CLIP1: variants seen among roughly 807,000 people sequenced by gnomAD.
CLIP1 encodes the protein CAP-Gly domain-containing linker protein 1.
Under a neutral mutation model 161.6 loss-of-function variants are expected in CLIP1, and 66 were observed. The observed-to-expected ratio is 0.41, with a 90% confidence interval of 0.33 to 0.50. CLIP1 has a LOEUF of 0.50. Among genes scored for constraint, CLIP1 ranks in the 20% least tolerant of loss-of-function variants. CLIP1 has a pLI of 0.27. For synonymous variants in CLIP1, 598 were observed against 626.2 expected, an observed-to-expected ratio of 0.96 and a Z score of 0.67; for missense variants, 1,376 against 1,702.0, an observed-to-expected ratio of 0.81 and a Z score of 3.37.
chr12:122,408,965 C>T (rs920095486), intron 1 of CLIP1, among the ~76,000 whole-genome samples: 7 of 152,102 alleles, frequency 4.6e-5, no homozygotes, highest in African/African-American at 1.7e-4. Context: ...GTCTGCACAA[C>T]CATGCCCGGC....
intron 3 of CLIP1, among the ~76,000 whole-genome samples, chr12:122,372,473 G>A (rs1020623528): frequency 6.6e-6 from 1 of 151,016 alleles, no homozygotes; most frequent in Admixed American, 6.6e-5. Context: ...TCCCAGCTAC[G>A]CTACTTGGGA....
At chr12:122,394,488 C>CAAAAAAAAAAAA (rs66683857) in intron 1 of CLIP1, among the ~76,000 whole-genome samples, 1 of 57,998 alleles carries the variant, frequency 1.7e-5, no homozygotes, top group African/African-American at 7.8e-5. Context: ...GACGCTGTCT[C>CAAAAAAAAAAAA]AAAAAAAAAA....
intron 1 of CLIP1, among the ~76,000 whole-genome samples, chr12:122,418,806 A>C (rs1956839861): frequency 6.6e-6 from 1 of 152,130 alleles, no homozygotes; most frequent in Non-Finnish European, 1.5e-5. Flanking sequence ...GGAGAACTAC[A>C]GGCTTGCTAT....
rs1171475639 is a variant in CLIP1 at position 122,374,289 on chromosome 12, G to T, written c.657+3100C>A. On this transcript the variant is annotated intron_variant, in intron 3 of 25. Transcript: ENST00000620786. ...GATCGAGACCATCCTGGCTAACACAGTGAAACCCCGTCTCTACTAAAAATA... is the reference window on the plus strand; with the variant it reads ...GATCGAGACCATCCTGGCTAACACATTGAAACCCCGTCTCTACTAAAAATA... 2.2e-5 allele frequency among the ~76,000 whole-genome samples: 3 copies of T among 137,780 alleles called. No individual in the cohort carries two copies. In the Admixed American group the frequency reaches 2.3e-4, roughly 11 times the overall value. The allele number at this position is 137,780 out of a possible 152,430, so 90.4% of individuals were successfully genotyped here.
intron 1 of CLIP1, among the ~76,000 whole-genome samples, chr12:122,405,806 C>T (rs1025381074): frequency 3.3e-5 from 5 of 151,146 alleles, no homozygotes; most frequent in East Asian, 1.9e-4. Flanking sequence ...TGGTTGCTCA[C>T]GGCCGTAATC....
At chr12:122,405,563 T>G (rs1363664857) in intron 1 of CLIP1, among the ~76,000 whole-genome samples, 1 of 149,960 alleles carries the variant, frequency 6.7e-6, no homozygotes, top group Non-Finnish European at 1.5e-5. Flanking sequence ...CCAAGGCGGA[T>G]AGATCACCTG....
chr12:122,378,046 C>T (rs569727235), intron 2 of CLIP1, 86 bp from the exon 3 acceptor site: 10 of 1,165,646 alleles, frequency 8.6e-6, no homozygotes, highest in South Asian at 7.5e-5. Flanking sequence ...AAGCCAACAG[C>T]CCACAGGAGT....
chr12:122,364,662 C>G (rs1303233916), intron 3 of CLIP1: 1 of 435,306 alleles, frequency 2.3e-6, no homozygotes. Flanking sequence ...ACCTCAGCTT[C>G]CCAAAGTGTT....
At chr12:122,352,873 G>A (rs571016232) in intron 7 of CLIP1, 87 bp from the exon 8 acceptor site, 52 of 1,140,556 alleles carry the variant, frequency 4.6e-5, no homozygotes, top group Middle Eastern at 2.0e-4. Flanking sequence ...AAAAAAACAC[G>A]TTGGGCATGG....
At chr12:122,283,088 C>T (rs569150394) in intron 21 of CLIP1, among the ~76,000 whole-genome samples, 14 of 152,294 alleles carry the variant, frequency 9.2e-5, no homozygotes, top group African/African-American at 3.1e-4. Flanking sequence ...CCATGCCTCG[C>T]GCCTTTGGCT....
In CLIP1 at chr12:122,277,527, G is replaced by C. The variant is rs572928842; in HGVS notation, c.3966+627C>G. Reference sequence around the variant, plus strand: ...AACTAAAGTTGTTTTGTTAATTTTCGCTTTAAGAGACTGAGTTTTCAAGAA... The same window carrying C: ...AACTAAAGTTGTTTTGTTAATTTTCCCTTTAAGAGACTGAGTTTTCAAGAA... On this transcript the variant is annotated intron_variant, in intron 24 of 25. Transcript: ENST00000620786. 5.3e-5 allele frequency: 8 copies of C among 151,868 alleles called. No individual in the cohort carries two copies. The East Asian group carries it at 1.5e-3, about 29-fold the overall frequency. 9.4% of individuals were successfully genotyped at this position (151,868 alleles called of 1,614,324 possible). A position where few individuals can be genotyped will look rare whatever the true frequency, so the allele number is the denominator to read the frequency against.
Position 122,279,260 on chromosome 12 carries a change from C to T in CLIP1, c.3648-115G>A, listed in dbSNP as rs193021824. 165 of 698,628 alleles carry T rather than the reference C, an allele frequency of 2.4e-4. No homozygotes were observed. The African/African-American group carries it at 2.5e-3, about 10-fold the overall frequency. The allele number at this position is 698,628 out of a possible 1,614,324, so 43.3% of individuals were successfully genotyped here. On this transcript the variant is annotated intron_variant, in intron 21 of 25. Transcript: ENST00000620786. This position sits in a 1 kb window ranked among gnomAD's most constrained non-coding sequence, Gnocchi z 4.5. ...AGTTAATGTAAAAAAAAAAATATAACAGGGAAGTTTTATAGGGAGTTAAGG... is the reference window on the plus strand; with the variant it reads ...AGTTAATGTAAAAAAAAAAATATAATAGGGAAGTTTTATAGGGAGTTAAGG...
intron 21 of CLIP1, among the ~76,000 whole-genome samples, chr12:122,283,457 T>A (rs1955726034): frequency 6.6e-6 from 1 of 150,870 alleles, no homozygotes; most frequent in Non-Finnish European, 1.5e-5. Context: ...TCTTTCTTTC[T>A]TTTCTTTTTT....
chr12:122,413,827 G>C (rs1956631526), intron 1 of CLIP1, among the ~76,000 whole-genome samples: 1 of 151,740 alleles, frequency 6.6e-6, no homozygotes, highest in Non-Finnish European at 1.5e-5. Flanking sequence ...CATTGAGTTA[G>C]TGCTAGTGGA....
intron 1 of CLIP1, chr12:122,396,835 T>C (rs1455703740): frequency 1.3e-5 from 2 of 151,154 alleles, no homozygotes; most frequent in African/African-American, 4.9e-5. Flanking sequence ...GATGCACTCA[T>C]GGCTCATGGC....
chr12:122,336,236 A>G (rs1234089324), intron 12 of CLIP1, among the ~76,000 whole-genome samples: 1 of 152,162 alleles, frequency 6.6e-6, no homozygotes, highest in Non-Finnish European at 1.5e-5. Context: ...CCTACGGCCC[A>G]GTACAGCTAC....
At chr12:122,306,296 G>T (rs1036349646) in intron 20 of CLIP1, among the ~76,000 whole-genome samples, 5 of 151,944 alleles carry the variant, frequency 3.3e-5, no homozygotes, top group African/African-American at 1.2e-4. Context: ...TATCCTACTA[G>T]TTCTGTCCCT....
intron 1 of CLIP1, among the ~76,000 whole-genome samples, chr12:122,397,210 T>C (rs1469047507): frequency 6.6e-6 from 1 of 152,012 alleles, no homozygotes; most frequent in African/African-American, 2.4e-5. Context: ...CAGAGGAACC[T>C]ACTGTGTACA....
intron 4 of CLIP1, among the ~76,000 whole-genome samples, chr12:122,363,498 A>T (rs1178416461): frequency 6.7e-6 from 1 of 150,172 alleles, no homozygotes; most frequent in Non-Finnish European, 1.5e-5. Flanking sequence ...CCTGTCTCAA[A>T]AAAAAAAAAA....
Sources: gnomAD v4.1 joint callset for allele counts (sites outside exome capture counted in the v4.1 genomes callset) on GRCh38, gnomAD v4.1.1 for gene constraint, Gnocchi (gnomAD v3.1) non-coding constraint, MANE v1.5 for transcripts, NCBI Gene and HGNC (gene_info 2026-07-23, HGNC 2026-07-21) for gene names.